The following RELCH variants were observed in gnomAD, a reference collection of about 807,000 sequenced individuals.
RELCH encodes the protein RAB11 binding and LisH domain, coiled-coil and HEAT repeat containing, also known as RAB11-binding protein RELCH.
In RELCH, 41 loss-of-function variants were observed where a neutral mutation model predicts 150.3. That is an observed-to-expected ratio of 0.27 (90% CI 0.21 to 0.35). The LOEUF (loss-of-function observed/expected upper bound fraction) is 0.35. RELCH is among the 10% of genes least tolerant of loss of function. RELCH has a pLI of 1.00. For missense variants in RELCH, 1,092 were observed against 1,467.8 expected, an observed-to-expected ratio of 0.74 and a Z score of 4.18; for synonymous variants, 478 against 531.8, an observed-to-expected ratio of 0.90 and a Z score of 1.39.
In RELCH at chr18:62,217,811, G is replaced by A. The variant is rs554922936; in HGVS notation, c.617-3226G>A. Among the ~76,000 whole-genome samples the A allele has an allele frequency of 5.3e-5, 8 of 152,082 alleles. No homozygotes were observed. In the South Asian group the frequency reaches 1.5e-3, roughly 28 times the overall value. ...AACACCAACTTTGAGATGAGTGATAGAGGAACTCAAGCAGAAAGAACAATA... is the reference window on the plus strand; with the variant it reads ...AACACCAACTTTGAGATGAGTGATAAAGGAACTCAAGCAGAAAGAACAATA... On this transcript the variant is annotated intron_variant, in intron 2 of 28. Coordinates refer to ENST00000644646, the MANE Select transcript of RELCH (RefSeq NM_001346231.2).
chr18:62,227,859 GT>G (rs917912746), intron 7 of RELCH, among the ~76,000 whole-genome samples, 170 bp downstream of exon 7: 5 of 151,716 alleles, frequency 3.3e-5, no homozygotes, highest in Admixed American at 1.3e-4. Flanking sequence ...ATAGTAATAG[GT>G]TTTTTTTCCC....
At chr18:62,249,839 G>A (rs191759682) in intron 11 of RELCH, among the ~76,000 whole-genome samples, 134 of 151,616 alleles carry the variant, frequency 8.8e-4, no homozygotes, top group African/African-American at 3.0e-3. Context: ...TATTAGCTAT[G>A]TGTTATATAA....
At chr18:62,237,904 A>G (rs1014601215) in intron 10 of RELCH, among the ~76,000 whole-genome samples, 1 of 151,816 alleles carries the variant, frequency 6.6e-6, no homozygotes, top group Non-Finnish European at 1.5e-5. Context: ...AGATATTAGC[A>G]TTATTTGTTT....
intron 4 of RELCH, 50 bp downstream of exon 4, chr18:62,221,324 A>C (rs772336182): frequency 6.5e-7 from 1 of 1,546,844 alleles, no homozygotes; most frequent in East Asian, 2.2e-5. Context: ...TTAAATGGTA[A>C]CATAAATATT....
chr18:62,240,855 A>C (rs1313889898), intron 10 of RELCH, among the ~76,000 whole-genome samples: 1 of 152,116 alleles, frequency 6.6e-6, no homozygotes, highest in African/African-American at 2.4e-5. Flanking sequence ...AGTTCCTGCT[A>C]CTAAGGAGGC....
At chr18:62,266,073 C>T (rs1021956637) in intron 18 of RELCH, among the ~76,000 whole-genome samples, 4 of 151,458 alleles carry the variant, frequency 2.6e-5, no homozygotes, top group Non-Finnish European at 4.4e-5. Flanking sequence ...TAGGAATCTA[C>T]TTATGTACTT....
Position 62,268,877 on chromosome 18 carries a change from G to A in RELCH, c.2689G>A (p.Ala897Thr). ...RLSEENIDSS[A>T]GNGVLTKATV... ...TATTTTAATAATTTTAGATTCCTCA[G>A]CAGGAAATGGGGTCCTCACTAAAGC... Residue 897 changes from alanine to threonine, a missense_variant, in exon 20 of 29, where the codon GCA (alanine) becomes ACA (threonine). Ala to Thr is a moderately conservative substitution (Grantham distance 58). Coordinates refer to ENST00000644646, the MANE Select transcript of RELCH (RefSeq NM_001346231.2). 1 of 1,498,760 alleles carries A rather than the reference G, an allele frequency of 6.7e-7. No individual in the cohort carries two copies. Among genetic ancestry groups the A allele is most frequent in the South Asian group, 1.3e-5 (1 of 75,820 alleles). The allele number at this position is 1,498,760 out of a possible 1,614,324, so 92.8% of individuals were successfully genotyped here.
intron 26 of RELCH, among the ~76,000 whole-genome samples, chr18:62,289,533 T>C (rs541805079): frequency 6.6e-6 from 1 of 152,012 alleles, no homozygotes; most frequent in Non-Finnish European, 1.5e-5. Context: ...ATTTTAAAGG[T>C]TTTTAGGTAG....
intron 12 of RELCH, 76 bp from the exon 13 acceptor site, chr18:62,255,330 TG>T: frequency 1.0e-6 from 1 of 963,776 alleles, no homozygotes; most frequent in Non-Finnish European, 1.7e-6. Context: ...ACAGGATTTG[TG>T]GTGAAATGTA....
chr18:62,299,947 A>T (rs185305902), intron 28 of RELCH: 2 of 152,228 alleles, frequency 1.3e-5, no homozygotes, highest in African/African-American at 2.4e-5. Context: ...CTTTTGTTCA[A>T]ATTTCTCCTT....
chr18:62,200,293 A>G (rs1272519653), intron 1 of RELCH, among the ~76,000 whole-genome samples: 2 of 152,188 alleles, frequency 1.3e-5, no homozygotes, highest in Admixed American at 6.5e-5. Context: ...CCAATGATTC[A>G]TAAGCTTCCT....
intron 5 of RELCH, 75 bp from the exon 6 acceptor site, chr18:62,227,214 A>T: frequency 1.1e-6 from 1 of 946,708 alleles, no homozygotes; most frequent in Non-Finnish European, 1.6e-6. Flanking sequence ...AAAAGATATT[A>T]GCAATAATAT....
intron 1 of RELCH, 91 bp from the exon 2 acceptor site, chr18:62,211,062 T>A: frequency 1.6e-6 from 1 of 634,566 alleles, no homozygotes; most frequent in Non-Finnish European, 2.6e-6. Context: ...AATTCCAGGT[T>A]TATTAACTGG....
intron 28 of RELCH, chr18:62,300,983 C>T (rs1028944340): frequency 6.6e-6 from 1 of 152,122 alleles, no homozygotes; most frequent in Non-Finnish European, 1.5e-5. Flanking sequence ...TCTCTTCCCT[C>T]GGGGTATTCA....
At chr18:62,262,563 T>G (rs1384085769) in intron 16 of RELCH, among the ~76,000 whole-genome samples, 1 of 152,060 alleles carries the variant, frequency 6.6e-6, no homozygotes, top group Non-Finnish European at 1.5e-5. Flanking sequence ...ATGTCAGTTT[T>G]ATTTGGAAAA....
rs772870658 is a variant in RELCH at position 62,305,157 on chromosome 18, G to A, written c.3531-257G>A. Among the ~76,000 whole-genome samples, 3 of 152,100 alleles carry A rather than the reference G, an allele frequency of 2.0e-5. No individual in the cohort carries two copies. The highest frequency in any genetic ancestry group is 6.6e-5 in the Admixed American group (1 of 15,262). On this transcript the variant is annotated intron_variant, in intron 28 of 28. Transcript: ENST00000644646. This position sits in a 1 kb window ranked among gnomAD's most constrained non-coding sequence, Gnocchi z 4.0. ...ACAGATGAGATTAAATAATTTACCC[G>A]AGCTGGTAAACAGAGCCAAGATTCA...
intron 10 of RELCH, among the ~76,000 whole-genome samples, chr18:62,236,699 TTC>T (rs2041897336): frequency 6.6e-6 from 1 of 151,944 alleles, no homozygotes; most frequent in African/African-American, 2.4e-5. Flanking sequence ...TATTTGCATC[TTC>T]TCTCTTTTTC....
In RELCH at chr18:62,227,397, G is replaced by A. The variant is rs2041282888; in HGVS notation, c.967G>A (p.Asp323Asn). The stretch of plus-strand genomic sequence containing the variant: ...TCAAGTAACTGGAAAAGATCTTGTA[G>A]ATGTGGCCAGTGGAGTAGAAGAAGA... ...NHQVTGKDLV[D>N]VASGVEEDEL... The change falls in exon 6 of 29, where the codon GAT becomes AAT. Residue 323 changes from aspartate to asparagine, a missense_variant. Around this residue, in one of 4 missense-constraint regions of RELCH, gnomAD observed 57 missense variants for 41.5 expected, o/e 1.37. Coordinates refer to ENST00000644646, the MANE Select transcript of RELCH (RefSeq NM_001346231.2). 1.2e-6 allele frequency: 2 copies of A among 1,612,882 alleles called. No homozygotes were observed. The highest frequency in any genetic ancestry group is 1.7e-6 in the Non-Finnish European group (2 of 1,179,350).
At chr18:62,296,240 A>T (rs2045401569) in intron 27 of RELCH, among the ~76,000 whole-genome samples, 1 of 152,180 alleles carries the variant, frequency 6.6e-6, no homozygotes. Context: ...CTATCTTTGT[A>T]TCAGTTTTTT....
Sources: gnomAD v4.1 joint callset for allele counts (sites outside exome capture counted in the v4.1 genomes callset) on GRCh38, gnomAD v4.1.1 for gene constraint, gnomAD v4.1.1 regional missense constraint, Gnocchi (gnomAD v3.1) non-coding constraint, MANE v1.5 for transcripts, NCBI Gene and HGNC (gene_info 2026-07-23, HGNC 2026-07-21) for gene names.